Variants in TBC1D32 observed in about 807,000 individuals in gnomAD.
The protein encoded by TBC1D32 is protein broad-minded.
TBC1D32 carries 151 observed loss-of-function variants against 170.3 expected under a neutral mutation model. The observed-to-expected ratio is 0.89, with a 90% CI of 0.78 to 1.01. The LOEUF is 1.01. Among genes scored for constraint, TBC1D32 ranks in the 50% least tolerant of loss-of-function variants. TBC1D32 has a pLI of 0.00. For synonymous variants in TBC1D32, 498 were observed against 488.0 expected, an observed-to-expected ratio of 1.02 and a Z score of -0.27; for missense variants, 1,464 against 1,457.1, an observed-to-expected ratio of 1.00 and a Z score of -0.08.
chr6:121,146,881 G>A (rs537166054), intron 24 of TBC1D32, among the ~76,000 whole-genome samples: 119 of 152,196 alleles, frequency 7.8e-4, no homozygotes, highest in Middle Eastern at 3.4e-3. Context: ...TATATTGAGC[G>A]ACAGTGAGGT....
intron 15 of TBC1D32, among the ~76,000 whole-genome samples, chr6:121,275,593 G>C (rs905473144): frequency 6.6e-6 from 1 of 152,050 alleles, no homozygotes; most frequent in Non-Finnish European, 1.5e-5. Flanking sequence ...TTTACAAACT[G>C]ATTATGCAGT....
At chr6:121,098,926 T>C (rs1485945345) in intron 30 of TBC1D32, among the ~76,000 whole-genome samples, 1 of 151,980 alleles carries the variant, frequency 6.6e-6, no homozygotes, top group Non-Finnish European at 1.5e-5. Flanking sequence ...CATACACATT[T>C]ATAAAGACAT....
At chr6:121,162,501 G>A (rs1386804180) in intron 22 of TBC1D32, among the ~76,000 whole-genome samples, 2 of 152,142 alleles carry the variant, frequency 1.3e-5, no homozygotes, top group Non-Finnish European at 2.9e-5. Context: ...ACAAGACAAG[G>A]ATAGCTTCTC....
intron 10 of TBC1D32, among the ~76,000 whole-genome samples, chr6:121,297,143 T>C (rs981499510): frequency 2.0e-5 from 3 of 152,070 alleles, no homozygotes; most frequent in Non-Finnish European, 4.4e-5. Context: ...TTACATGACA[T>C]CCCTTTAAAC....
chr6:121,221,937 C>T (rs1410087739), intron 21 of TBC1D32, among the ~76,000 whole-genome samples: 1 of 152,134 alleles, frequency 6.6e-6, no homozygotes, highest in Non-Finnish European at 1.5e-5. Context: ...GGGTAAAATG[C>T]TATCAAAAAG....
Position 121,334,452 on chromosome 6 carries a change from C to T in TBC1D32, c.-22G>A, listed in dbSNP as rs1478256665. 6.2e-7 allele frequency: 1 copy of T among 1,606,810 alleles called. No individual in the cohort carries two copies. The highest frequency in any genetic ancestry group is 2.2e-5 in the East Asian group (1 of 44,508). ...CCATCCTGTTGGAATCAAACGTCCA[C>T]TCTCATTACTCCAGGTCCGAGCAAA... On this transcript the variant is annotated 5_prime_UTR_variant, in exon 1 of 32. It adds an upstream start codon to the 5' untranslated region. Transcript: ENST00000398212.
At position 121,303,573 on chromosome 6, in the gene TBC1D32, T is replaced by C. The variant is rs775341140; in HGVS notation, c.1080+44A>G. On this transcript the variant is annotated intron_variant, in intron 9 of 31. Coordinates refer to ENST00000398212, the MANE Select transcript of TBC1D32 (RefSeq NM_152730.6). ...ACATTAACTATTTATTAAAATGATA[T>C]AGCAATGCACTAAAAGGTATAAAAA... 1.4e-5 allele frequency: 19 copies of C among 1,398,126 alleles called. 1 individual carries two copies. The highest frequency in any genetic ancestry group is 1.2e-4 in the East Asian group (5 of 41,616). The allele number at this position is 1,398,126 out of a possible 1,614,324, so 86.6% of individuals were successfully genotyped here.
chr6:121,314,646 C>T (rs1168604854), intron 3 of TBC1D32, among the ~76,000 whole-genome samples: 7 of 152,128 alleles, frequency 4.6e-5, no homozygotes, highest in Non-Finnish European at 8.8e-5. Flanking sequence ...GCACAATGCC[C>T]GTGCTGTACT....
intron 25 of TBC1D32, among the ~76,000 whole-genome samples, chr6:121,128,477 C>T (rs2128214592): frequency 6.6e-6 from 1 of 152,168 alleles, no homozygotes; most frequent in Non-Finnish European, 1.5e-5. Flanking sequence ...ATTCATGTCA[C>T]AAAACAATCC....
At chr6:121,085,660 A>C (rs1268951257) in intron 31 of TBC1D32, among the ~76,000 whole-genome samples, 1 of 152,054 alleles carries the variant, frequency 6.6e-6, no homozygotes, top group Non-Finnish European at 1.5e-5. Flanking sequence ...TTCTGATTTA[A>C]CAGGTCTGGG....
chr6:121,175,303 TGAG>T (rs1787616658), intron 22 of TBC1D32, among the ~76,000 whole-genome samples: 2 of 152,148 alleles, frequency 1.3e-5, no homozygotes, highest in African/African-American at 4.8e-5. Flanking sequence ...GGATGTACAA[TGAG>T]GTGATCCAAG....
intron 15 of TBC1D32, among the ~76,000 whole-genome samples, chr6:121,274,056 C>T (rs1238803090): frequency 2.0e-5 from 3 of 151,998 alleles, no homozygotes; most frequent in Non-Finnish European, 2.9e-5. Context: ...ACAAAAAAGC[C>T]GGGCATGGTG....
chr6:121,220,990 G>A (rs925243675), intron 21 of TBC1D32, among the ~76,000 whole-genome samples: 9 of 103,194 alleles, frequency 8.7e-5, no homozygotes, highest in Admixed American at 1.8e-4. Flanking sequence ...AGAAGATACC[G>A]TCTAGGATTT....
intron 21 of TBC1D32, among the ~76,000 whole-genome samples, chr6:121,212,339 C>T (rs1263893423): frequency 6.6e-6 from 1 of 152,008 alleles, no homozygotes; most frequent in Non-Finnish European, 1.5e-5. Context: ...TTCCAAAAAA[C>T]TGCAGAGAAG....
chr6:121,116,740 C>T (rs961801812), intron 26 of TBC1D32, among the ~76,000 whole-genome samples: 6 of 152,050 alleles, frequency 3.9e-5, no homozygotes, highest in Admixed American at 3.9e-4. Flanking sequence ...AGGAGTTGTC[C>T]AAAGGAATTG....
At chr6:121,321,499 G>T in intron 2 of TBC1D32, 134 bp downstream of exon 2, 1 of 823,496 alleles carries the variant, frequency 1.2e-6, no homozygotes, top group Non-Finnish European at 1.9e-6. Context: ...AGGGTGTCAT[G>T]ATCTGACTCA....
chr6:121,124,058 T>C (rs1035089572), intron 26 of TBC1D32, among the ~76,000 whole-genome samples: 2 of 152,090 alleles, frequency 1.3e-5, no homozygotes, highest in Non-Finnish European at 2.9e-5. Flanking sequence ...CCTTAAAAAA[T>C]TGTTGTAGTT....
intron 10 of TBC1D32, among the ~76,000 whole-genome samples, chr6:121,295,391 G>A (rs904224560): frequency 6.6e-6 from 1 of 151,620 alleles, no homozygotes; most frequent in African/African-American, 2.4e-5. Flanking sequence ...ACTTTCAGAG[G>A]AGTTTGGTGA....
At chr6:121,173,920 T>TA (rs34568075) in intron 22 of TBC1D32, among the ~76,000 whole-genome samples, 137,365 of 147,750 alleles carry the variant, frequency 0.93, 64,426 homozygotes, top group Non-Finnish European at 1. Context: ...TAAGAAAAAA[T>TA]AAAAAAAAAA....
Sources: gnomAD v4.1 joint callset for allele counts (sites outside exome capture counted in the v4.1 genomes callset) on GRCh38, gnomAD v4.1.1 for gene constraint, MANE v1.5 for transcripts, NCBI Gene and HGNC (gene_info 2026-07-23, HGNC 2026-07-21) for gene names.